The following GUCY2C variants were observed in gnomAD, a reference collection of about 807,000 sequenced individuals.
GUCY2C encodes guanylate cyclase 2C.
Under a neutral mutation model 131.1 loss-of-function variants are expected in GUCY2C, and 118 were observed. The ratio of observed to expected loss-of-function variants is 0.90; its 90% CI spans 0.78 to 1.05. The LOEUF is 1.05. Ranked by LOEUF, GUCY2C falls within the 50% of genes least tolerant of loss-of-function variation. GUCY2C has a pLI of 0.00. For synonymous variants in GUCY2C, 452 were observed against 457.8 expected, an observed-to-expected ratio of 0.99 and a Z score of 0.16; for missense variants, 1,161 against 1,304.4, an observed-to-expected ratio of 0.89 and a Z score of 1.69.
Position 14,665,481 on chromosome 12 carries a change from T to C in GUCY2C, c.1282+4241A>G, listed in dbSNP as rs144098643. On this transcript the variant is annotated intron_variant, in intron 10 of 26. Transcript: ENST00000261170. ...GTATTAAGTAACTTGGACTGTATTC[T>C]GTAGGTAAAGCAGAGTTGCCAATTG... 9.7e-3 allele frequency among the ~76,000 whole-genome samples: 1,471 copies of C among 152,290 alleles called. 29 individuals carry two copies. Among genetic ancestry groups the C allele is most frequent in the African/African-American group, 0.034 (1,395 of 41,552 alleles).
intron 16 of GUCY2C, among the ~76,000 whole-genome samples, chr12:14,644,454 T>G (rs1479080490): frequency 6.6e-6 from 1 of 152,218 alleles, no homozygotes; most frequent in African/African-American, 2.4e-5. Context: ...CTGAAGCTGA[T>G]TTTCAGCCTG....
rs749811241 is a variant in GUCY2C at position 14,679,657 on chromosome 12, T to C, written c.830A>G (p.Asn277Ser). The C allele has an allele frequency of 5.4e-6, 8 of 1,474,724 alleles. No homozygotes were observed. The highest frequency in any genetic ancestry group is 2.3e-5 in the South Asian group (2 of 88,152). 91.4% of individuals were successfully genotyped at this position (1,474,724 alleles called of 1,614,324 possible). The change falls in exon 6 of 27, where the codon AAT (asparagine) becomes AGT (serine). Residue 277 changes from asparagine to serine, a missense_variant and splice_region_variant. Transcript: ENST00000261170. ...DIVIILVDLFNDQYFEDNVTA... is the reference protein window; with the variant it reads ...DIVIILVDLFSDQYFEDNVTA... ...GGGTTTTTCCAAATGTTATACCTAC[T>C]TGAAAAGATCCACTAGAATAATGAC...
chr12:14,651,552 TG>T (rs1565619628), intron 14 of GUCY2C, 41 bp from the exon 15 acceptor site: 4 of 1,029,784 alleles, frequency 3.9e-6, no homozygotes, highest in Non-Finnish European at 4.6e-6. Flanking sequence ...TTAGGCAGAA[TG>T]GGGTGCCAAA....
Position 14,621,208 on chromosome 12 carries a change from G to A in GUCY2C, c.2610C>T (p.Thr870=). The part of the protein sequence containing the change: ...VDHHDVYKVE[T]IGDAYMVASG... ...TAGCCACCATGTACGCATCACCGAT[G>A]GTTTCCACCTGTGGAAACAGTTTCT... The change falls in exon 23 of 27, where the codon ACC becomes ACT. Residue 870 remains threonine, a synonymous_variant. Transcript: ENST00000261170. The A allele has an allele frequency of 1.9e-6, 3 of 1,610,610 alleles. No individual in the cohort carries two copies. Among genetic ancestry groups the A allele is most frequent in the Non-Finnish European group, 2.5e-6 (3 of 1,177,762 alleles).
intron 3 of GUCY2C, among the ~76,000 whole-genome samples, chr12:14,684,298 C>T (rs1275050910): frequency 6.6e-6 from 1 of 152,150 alleles, no homozygotes; most frequent in Non-Finnish European, 1.5e-5. Flanking sequence ...CAGAGTTCTT[C>T]ATTTCCCTGC....
intron 10 of GUCY2C, among the ~76,000 whole-genome samples, chr12:14,661,886 T>C (rs1947874457): frequency 6.6e-6 from 1 of 152,110 alleles, no homozygotes; most frequent in Non-Finnish European, 1.5e-5. Flanking sequence ...ACTAGAACAC[T>C]AGTGGGTGGG....
chr12:14,678,262 A>G (rs1240970941), intron 6 of GUCY2C, among the ~76,000 whole-genome samples: 1 of 152,222 alleles, frequency 6.6e-6, no homozygotes, highest in Non-Finnish European at 1.5e-5. Flanking sequence ...TTAAAATGCT[A>G]AAAAAATCCA....
At chr12:14,658,482 G>A (rs1250196927) in intron 11 of GUCY2C, among the ~76,000 whole-genome samples, 1 of 152,058 alleles carries the variant, frequency 6.6e-6, no homozygotes, top group African/African-American at 2.4e-5. Flanking sequence ...TTGAGACCAG[G>A]CTGGCCAACG....
chr12:14,652,891 G>T, intron 13 of GUCY2C, 61 bp downstream of exon 13: 2 of 1,059,614 alleles, frequency 1.9e-6, no homozygotes, highest in South Asian at 1.3e-5. Flanking sequence ...CCAGGGCAAT[G>T]AGGGGTCAAA....
intron 2 of GUCY2C, among the ~76,000 whole-genome samples, chr12:14,687,390 G>C (rs1024808983): frequency 1.3e-5 from 2 of 152,108 alleles, no homozygotes; most frequent in Non-Finnish European, 2.9e-5. Flanking sequence ...GAGGCCAATG[G>C]GGGCAGATCA....
chr12:14,688,753 TA>T (rs1452212472), intron 1 of GUCY2C, among the ~76,000 whole-genome samples: 1 of 152,186 alleles, frequency 6.6e-6, no homozygotes, highest in Non-Finnish European at 1.5e-5. Context: ...ATGGAAGCCC[TA>T]GGGGGAGCTG....
chr12:14,635,405 A>G (rs1947245722), intron 19 of GUCY2C, among the ~76,000 whole-genome samples: 1 of 152,176 alleles, frequency 6.6e-6, no homozygotes, highest in Non-Finnish European at 1.5e-5. Flanking sequence ...ATAAAAAATT[A>G]AAACAAATGA....
intron 17 of GUCY2C, among the ~76,000 whole-genome samples, chr12:14,641,922 G>A (rs1947413000): frequency 6.7e-6 from 1 of 149,378 alleles, no homozygotes; most frequent in Admixed American, 6.6e-5. Context: ...GGGTGACAGA[G>A]CGAGACTCCA....
At chr12:14,660,233 G>C (rs150528003) in intron 11 of GUCY2C, among the ~76,000 whole-genome samples, 176 of 152,298 alleles carry the variant, frequency 1.2e-3, no homozygotes, top group Non-Finnish European at 2.1e-3. Flanking sequence ...AGTGAACCTG[G>C]TAATATAATA....
intron 10 of GUCY2C, among the ~76,000 whole-genome samples, chr12:14,667,186 C>G (rs1421374980): frequency 1.3e-5 from 2 of 151,976 alleles, no homozygotes; most frequent in East Asian, 1.9e-4. Flanking sequence ...AAACACAAAC[C>G]TAACTTTGTC....
At chr12:14,615,658 A>G (rs1946747380) in intron 25 of GUCY2C, among the ~76,000 whole-genome samples, 1 of 150,498 alleles carries the variant, frequency 6.6e-6, no homozygotes, top group Admixed American at 6.6e-5. Context: ...TAATTGATAT[A>G]TATTGTTAAA....
At chr12:14,689,927 A>G (rs1948545445) in intron 1 of GUCY2C, among the ~76,000 whole-genome samples, 1 of 152,204 alleles carries the variant, frequency 6.6e-6, no homozygotes, top group South Asian at 2.1e-4. Context: ...ATGAAATGAA[A>G]ATGGTTAACA....
rs7955382 is a variant in GUCY2C at position 14,628,446 on chromosome 12, G to T, written c.2249+200C>A. 0.015 allele frequency among the ~76,000 whole-genome samples: 2,263 copies of T among 152,230 alleles called. 70 individuals are homozygous for T. The highest frequency in any genetic ancestry group is 0.052 in the African/African-American group (2,175 of 41,518). On this transcript the variant is annotated intron_variant, in intron 20 of 26. Transcript: ENST00000261170. ...TCAGAAAAGTTTTGACCTTGAGTATGTAACTTTTCAAGTGATTATTTCCCT... is the reference window on the plus strand; with the variant it reads ...TCAGAAAAGTTTTGACCTTGAGTATTTAACTTTTCAAGTGATTATTTCCCT...
intron 24 of GUCY2C, 160 bp downstream of exon 24, chr12:14,619,051 C>T: frequency 1.8e-6 from 1 of 543,008 alleles, no homozygotes; most frequent in Non-Finnish European, 3.3e-6. Context: ...GCAAATGTAG[C>T]AAAAGGTGGA....
Sources: gnomAD v4.1 joint callset for allele counts (sites outside exome capture counted in the v4.1 genomes callset) on GRCh38, gnomAD v4.1.1 for gene constraint, MANE v1.5 for transcripts, NCBI Gene and HGNC (gene_info 2026-07-23, HGNC 2026-07-21) for gene names.